SLC6A5: variants seen among roughly 807,000 people sequenced by gnomAD.
The protein encoded by SLC6A5 is solute carrier family 6 member 5.
SLC6A5 carries 58 observed loss-of-function variants against 90.5 expected under a neutral mutation model. The ratio of observed to expected loss-of-function variants is 0.64; its 90% CI spans 0.52 to 0.80. SLC6A5 has a LOEUF of 0.80. Among genes scored for constraint, SLC6A5 ranks in the 30% least tolerant of loss-of-function variants. The pLI, the probability that SLC6A5 is intolerant of heterozygous loss-of-function variation, is 0.00. For missense variants in SLC6A5, 1,015 were observed against 1,017.6 expected, an observed-to-expected ratio of 1.00 and a Z score of 0.03; for synonymous variants, 427 against 401.4, an observed-to-expected ratio of 1.06 and a Z score of -0.76.
chr11:20,599,796 G>A (rs992197341), intron 1 of SLC6A5, 121 bp downstream of exon 1: 23 of 1,154,574 alleles, frequency 2.0e-5, no homozygotes, highest in Non-Finnish European at 3.0e-5. Context: ...AGGGGGCGAC[G>A]AGGAGAACAA....
At chr11:20,620,730 G>C (rs780296289) in intron 7 of SLC6A5, among the ~76,000 whole-genome samples, 8 of 152,204 alleles carry the variant, frequency 5.3e-5, no homozygotes, top group Non-Finnish European at 1.0e-4. Flanking sequence ...CTTTTAAGTG[G>C]AAGTAGTGGG....
chr11:20,646,815 T>C lies in SLC6A5; in HGVS notation c.1970-19T>C. 6.4e-7 allele frequency: 1 copy of C among 1,569,722 alleles called. No individual in the cohort carries two copies. The highest frequency in any genetic ancestry group is 8.8e-7 in the Non-Finnish European group (1 of 1,139,676). On this transcript the variant is annotated intron_variant, in intron 13 of 15. Coordinates refer to ENST00000525748, the MANE Select transcript of SLC6A5 (RefSeq NM_004211.5). The stretch of plus-strand genomic sequence containing the variant: ...CTGCTACTGTGCCTTATACCTGTTC[T>C]CTGCTTGTCTATTTGCAGGCTTGCA...
chr11:20,612,015 G>T (rs1251218010), intron 5 of SLC6A5, among the ~76,000 whole-genome samples: 6 of 152,288 alleles, frequency 3.9e-5, no homozygotes, highest in African/African-American at 1.4e-4. Flanking sequence ...GTTGGGCAAT[G>T]GACCTATTGC....
chr11:20,630,260 A>T (rs1037265344), intron 9 of SLC6A5, among the ~76,000 whole-genome samples: 1 of 152,182 alleles, frequency 6.6e-6, no homozygotes, highest in African/African-American at 2.4e-5. Context: ...ATGGTGGAAG[A>T]GGCAGACACA....
chr11:20,609,412 C>A (rs1057347447), intron 5 of SLC6A5, among the ~76,000 whole-genome samples: 5 of 152,004 alleles, frequency 3.3e-5, no homozygotes, highest in Non-Finnish European at 7.4e-5. Flanking sequence ...CAGGCTATCC[C>A]TTGCAGGTGT....
chr11:20,599,711 G>C, intron 1 of SLC6A5, 36 bp downstream of exon 1: 1 of 1,613,614 alleles, frequency 6.2e-7, no homozygotes, highest in African/African-American at 1.3e-5. Context: ...AGAGGAAAGG[G>C]GGCTGAGGGG....
At chr11:20,608,375 G>A (rs1852623275) in intron 5 of SLC6A5, among the ~76,000 whole-genome samples, 1 of 152,206 alleles carries the variant, frequency 6.6e-6, no homozygotes, top group Admixed American at 6.5e-5. Flanking sequence ...GTGAGGAGAA[G>A]TAGGGCAGCT....
intron 5 of SLC6A5, among the ~76,000 whole-genome samples, chr11:20,610,456 C>G (rs1000114446): frequency 6.6e-6 from 1 of 152,180 alleles, no homozygotes; most frequent in Non-Finnish European, 1.5e-5. Context: ...AGTGAGGCTG[C>G]CTGCGTGCTT....
At chr11:20,649,131 GAA>G (rs1853476968) in intron 14 of SLC6A5, among the ~76,000 whole-genome samples, 1 of 152,368 alleles carries the variant, frequency 6.6e-6, no homozygotes, top group Non-Finnish European at 1.5e-5. Flanking sequence ...GAATGTCAGA[GAA>G]GAGGAATTTT....
intron 1 of SLC6A5, 148 bp downstream of exon 1, chr11:20,599,823 T>G (rs1043920829): frequency 1.3e-5 from 13 of 963,374 alleles, no homozygotes; most frequent in Non-Finnish European, 2.0e-5. Context: ...CAGCCCTAGG[T>G]ATTTGTACTT....
At chr11:20,626,494 G>T (rs557745162) in intron 7 of SLC6A5, among the ~76,000 whole-genome samples, 3 of 152,084 alleles carry the variant, frequency 2.0e-5, no homozygotes, top group African/African-American at 7.2e-5. Flanking sequence ...ACAGCCTTGG[G>T]TCTCTCCTAA....
chr11:20,604,717 A>C (rs1214074768), intron 3 of SLC6A5, among the ~76,000 whole-genome samples: 1 of 152,112 alleles, frequency 6.6e-6, no homozygotes, highest in Non-Finnish European at 1.5e-5. Flanking sequence ...CCACGTAAGC[A>C]CGGGTGCTAG....
intron 15 of SLC6A5, among the ~76,000 whole-genome samples, chr11:20,653,263 A>G (rs1239313212): frequency 6.6e-6 from 1 of 152,228 alleles, no homozygotes; most frequent in African/African-American, 2.4e-5. Context: ...GACCAGCAGC[A>G]TCCTTCTCAC....
At chr11:20,632,761 ACCTGAG>A (rs1565283529) in intron 10 of SLC6A5, among the ~76,000 whole-genome samples, 1 of 152,232 alleles carries the variant, frequency 6.6e-6, no homozygotes, top group African/African-American at 2.4e-5. Flanking sequence ...CCTGCATTCA[ACCTGAG>A]CCCCACTTCC....
chr11:20,615,542 T>A (rs1315578022), intron 6 of SLC6A5, among the ~76,000 whole-genome samples: 5 of 152,132 alleles, frequency 3.3e-5, no homozygotes, highest in African/African-American at 4.8e-5. Context: ...TAATTTTTTG[T>A]ACTTTTAGTA....
At chr11:20,638,076 T>C (rs1158589599) in intron 12 of SLC6A5, among the ~76,000 whole-genome samples, 1 of 152,198 alleles carries the variant, frequency 6.6e-6, no homozygotes, top group African/African-American at 2.4e-5. Context: ...CTAAAGGTCA[T>C]CGGAGGGTCA....
intron 10 of SLC6A5, among the ~76,000 whole-genome samples, chr11:20,635,792 G>C (rs1590174293): frequency 6.6e-6 from 1 of 152,080 alleles, no homozygotes; most frequent in African/African-American, 2.4e-5. Flanking sequence ...CTTGTGCATT[G>C]TAAGAGGCTT....
chr11:20,625,930 G>A (rs978483597), intron 7 of SLC6A5, among the ~76,000 whole-genome samples: 3 of 152,198 alleles, frequency 2.0e-5, no homozygotes, highest in African/African-American at 7.2e-5. Context: ...CATTGTCTTT[G>A]TGTCTTCTAG....
chr11:20,610,336 C>A (rs1852670430), intron 5 of SLC6A5, among the ~76,000 whole-genome samples: 1 of 152,194 alleles, frequency 6.6e-6, no homozygotes, highest in Non-Finnish European at 1.5e-5. Context: ...AGGCTTGGGG[C>A]TGCGGAGCGA....
Sources: allele counts gnomAD v4.1 joint callset (sites outside exome capture counted in the v4.1 genomes callset), GRCh38; gene constraint gnomAD v4.1.1; transcripts MANE v1.5; gene names NCBI Gene and HGNC (gene_info 2026-07-23, HGNC 2026-07-21).